The following RHOJ variants were observed in gnomAD, a reference collection of about 807,000 sequenced individuals.
The protein encoded by RHOJ is rho-related GTP-binding protein RhoJ.
In RHOJ, 11 loss-of-function variants were observed where a neutral mutation model predicts 23.4. The ratio of observed to expected loss-of-function variants is 0.47; its 90% CI spans 0.30 to 0.78. The LOEUF (loss-of-function observed/expected upper bound fraction) is 0.78. Ranked by LOEUF, RHOJ falls within the 30% of genes least tolerant of loss-of-function variation. The pLI, the probability that RHOJ is intolerant of heterozygous loss-of-function variation, is 0.08. For missense variants in RHOJ, 254 were observed against 273.4 expected (o/e 0.93, Z 0.50); for synonymous variants, 102 against 102.7 (o/e 0.99, Z 0.04).
At chr14:63,238,703 T>A (rs921591033) in intron 1 of RHOJ, among the ~76,000 whole-genome samples, 14 of 152,274 alleles carry the variant, frequency 9.2e-5, no homozygotes, top group African/African-American at 3.4e-4. Flanking sequence ...ATTATAGGCA[T>A]GAGAAACTGC....
At chr14:63,277,966 AAC>A (rs34023824) in intron 2 of RHOJ, among the ~76,000 whole-genome samples, 6,399 of 140,684 alleles carry the variant, frequency 0.045, 142 homozygotes, top group African/African-American at 0.071. Context: ...CAGCTACACA[AAC>A]ACACACACAC....
intron 1 of RHOJ, among the ~76,000 whole-genome samples, chr14:63,267,848 C>T (rs761702763): frequency 6.6e-6 from 1 of 152,236 alleles, no homozygotes; most frequent in Non-Finnish European, 1.5e-5. Flanking sequence ...AAGCTGAACA[C>T]ACGTTGATCT....
rs527911815 is a variant in RHOJ, at chr14:63,273,063, A to G, written c.237+3895A>G. ...GTTTATAATGAAGTCACTTGCATACACTGTCAACATGTGGTGGCTGCTGTT... is the reference window on the plus strand; with the variant it reads ...GTTTATAATGAAGTCACTTGCATACGCTGTCAACATGTGGTGGCTGCTGTT... On this transcript the variant is annotated intron_variant, in intron 2 of 4. Transcript: ENST00000316754. 2.6e-5 allele frequency among the ~76,000 whole-genome samples: 4 copies of G among 152,282 alleles called. No individual in the cohort carries two copies. In the East Asian group the frequency reaches 7.7e-4, roughly 29 times the overall value.
Position 63,291,829 on chromosome 14 carries a change from A to C in RHOJ, c.*805A>C, listed in dbSNP as rs1340509338. 1 of 152,806 alleles carries C rather than the reference A, an allele frequency of 6.5e-6. No homozygotes were observed. The highest frequency in any genetic ancestry group is 1.5e-5 in the Non-Finnish European group (1 of 68,160). 9.5% of individuals were successfully genotyped at this position (152,806 alleles called of 1,614,324 possible). On this transcript the variant is annotated 3_prime_UTR_variant, in exon 5 of 5. Coordinates refer to ENST00000316754, the MANE Select transcript of RHOJ (RefSeq NM_020663.5). The stretch of plus-strand genomic sequence containing the variant: ...CATGTATTGCCACGACAAACTAAAA[A>C]TGAACTGTGTTTAAGAATGTAGTAT...
intron 1 of RHOJ, among the ~76,000 whole-genome samples, chr14:63,239,319 C>T (rs1249753484): frequency 6.6e-6 from 1 of 152,080 alleles, no homozygotes; most frequent in East Asian, 1.9e-4. Flanking sequence ...GCCATGTTGG[C>T]CAGGCTAGTC....
At chr14:63,261,029 A>G (rs1173925318) in intron 1 of RHOJ, among the ~76,000 whole-genome samples, 1 of 152,210 alleles carries the variant, frequency 6.6e-6, no homozygotes, top group African/African-American at 2.4e-5. Context: ...TGGCTTTCCA[A>G]AAAAATGAAT....
intron 1 of RHOJ, among the ~76,000 whole-genome samples, chr14:63,264,418 C>A (rs1195837990): frequency 6.6e-6 from 1 of 152,086 alleles, no homozygotes; most frequent in African/African-American, 2.4e-5. Context: ...CCAATCCATC[C>A]TGGATGGACA....
chr14:63,291,043 T>A lies in RHOJ; in HGVS notation c.*19T>A. The A allele has an allele frequency of 6.2e-7, 1 of 1,613,510 alleles. No homozygotes were observed. The highest frequency in any genetic ancestry group is 8.5e-7 in the Non-Finnish European group (1 of 1,179,858). On this transcript the variant is annotated 3_prime_UTR_variant, in exon 5 of 5. Transcript: ENST00000316754. Reference sequence around the variant, plus strand: ...TATCTGAGGTTGTCTGGGACCTGCCTCCACCCCATCCAGGGATGAGAATGG... The same window carrying A: ...TATCTGAGGTTGTCTGGGACCTGCCACCACCCCATCCAGGGATGAGAATGG...
intron 1 of RHOJ, among the ~76,000 whole-genome samples, chr14:63,248,038 C>A (rs1474141268): frequency 6.6e-6 from 1 of 152,130 alleles, no homozygotes; most frequent in Non-Finnish European, 1.5e-5. Flanking sequence ...AATTATCACC[C>A]ACTGGGTCCC....
intron 2 of RHOJ, among the ~76,000 whole-genome samples, chr14:63,272,323 T>C (rs1255385774): frequency 7.4e-6 from 1 of 136,006 alleles, no homozygotes; most frequent in Non-Finnish European, 1.5e-5. Context: ...GTAAATGTGC[T>C]GGATAGCTAA....
At chr14:63,252,087 A>AAAAT (rs1266220473) in intron 1 of RHOJ, among the ~76,000 whole-genome samples, 45 of 152,282 alleles carry the variant, frequency 3.0e-4, no homozygotes, top group Middle Eastern at 3.4e-3. Context: ...CTCTGTCTCA[A>AAAAT]AAATAAATAA....
chr14:63,272,506 T>C (rs1895489493), intron 2 of RHOJ, among the ~76,000 whole-genome samples: 1 of 152,188 alleles, frequency 6.6e-6, no homozygotes, highest in Non-Finnish European at 1.5e-5. Flanking sequence ...CAAGAAGCAA[T>C]CCTCCACATC....
intron 1 of RHOJ, among the ~76,000 whole-genome samples, chr14:63,217,653 C>T (rs968389084): frequency 5.9e-5 from 9 of 152,110 alleles, no homozygotes; most frequent in African/African-American, 2.2e-4. Flanking sequence ...GTCTAAAACA[C>T]CAAAAGCAAT....
At chr14:63,264,379 A>G (rs902677095) in intron 1 of RHOJ, among the ~76,000 whole-genome samples, 4 of 152,238 alleles carry the variant, frequency 2.6e-5, no homozygotes, top group African/African-American at 9.6e-5. Flanking sequence ...ATAGTATTCC[A>G]TGAGGTATAT....
At chr14:63,273,650 A>G (rs1332228273) in intron 2 of RHOJ, among the ~76,000 whole-genome samples, 1 of 152,236 alleles carries the variant, frequency 6.6e-6, no homozygotes, top group African/African-American at 2.4e-5. Flanking sequence ...AACCAGCCAT[A>G]GTACTAAGAC....
intron 1 of RHOJ, among the ~76,000 whole-genome samples, chr14:63,249,590 G>T (rs1895032972): frequency 6.6e-6 from 1 of 152,148 alleles, no homozygotes; most frequent in African/African-American, 2.4e-5. Flanking sequence ...ATTAACAAGT[G>T]GACCTAGTTA....
At chr14:63,263,201 G>A (rs1433421562) in intron 1 of RHOJ, among the ~76,000 whole-genome samples, 1 of 152,172 alleles carries the variant, frequency 6.6e-6, no homozygotes, top group East Asian at 1.9e-4. Context: ...GTGATGAATA[G>A]CAATGATAGG....
At chr14:63,230,660 T>C (rs993813604) in intron 1 of RHOJ, among the ~76,000 whole-genome samples, 1 of 151,092 alleles carries the variant, frequency 6.6e-6, no homozygotes, top group African/African-American at 2.5e-5. Context: ...CAGTAGAATT[T>C]ATCACTATCT....
chr14:63,248,221 T>C (rs1333926251), intron 1 of RHOJ, among the ~76,000 whole-genome samples: 1 of 152,200 alleles, frequency 6.6e-6, no homozygotes, highest in Non-Finnish European at 1.5e-5. Flanking sequence ...TATAATACAG[T>C]AATTCTATAA....
Sources: allele counts gnomAD v4.1 joint callset (sites outside exome capture counted in the v4.1 genomes callset), GRCh38; gene constraint gnomAD v4.1.1; transcripts MANE v1.5; gene names NCBI Gene and HGNC (gene_info 2026-07-23, HGNC 2026-07-21).